Variants in ABR observed in about 807,000 individuals in gnomAD.
The protein encoded by ABR is active breakpoint cluster region-related protein.
Under a neutral mutation model 107.2 loss-of-function variants are expected in ABR, and 35 were observed. The observed-to-expected ratio is 0.33, with a 90% CI of 0.25 to 0.43. The LOEUF (loss-of-function observed/expected upper bound fraction) is 0.43. Ranked by LOEUF, ABR falls within the 20% of genes least tolerant of loss-of-function variation. The pLI is 1.00. For missense variants in ABR, 815 were observed against 1,115.2 expected, an observed-to-expected ratio of 0.73 and a Z score of 3.83; for synonymous variants, 498 against 462.0, an observed-to-expected ratio of 1.08 and a Z score of -1.00.
At chr17:1,132,236 T>C (rs539668186) in intron 1 of ABR, among the ~76,000 whole-genome samples, 2 of 149,956 alleles carry the variant, frequency 1.3e-5, no homozygotes, top group Admixed American at 6.7e-5. Context: ...CACACACACA[T>C]ACACATATAT....
chr17:1,102,688 T>A (rs548691124), intron 2 of ABR, among the ~76,000 whole-genome samples: 2 of 152,314 alleles, frequency 1.3e-5, no homozygotes, highest in South Asian at 4.1e-4. Flanking sequence ...GGAGATCCTT[T>A]TTATTTTAAT....
At chr17:1,042,997 G>A (rs1316346249) in intron 16 of ABR, among the ~76,000 whole-genome samples, 6 of 152,154 alleles carry the variant, frequency 3.9e-5, no homozygotes, top group African/African-American at 7.2e-5. Flanking sequence ...GGACAAATTC[G>A]TACAGACAGA....
chr17:1,125,495 G>T, intron 1 of ABR, 128 bp from the exon 2 acceptor site: 3 of 1,003,970 alleles, frequency 3.0e-6, no homozygotes, highest in African/African-American at 1.7e-5. Context: ...CGCCTGGCCC[G>T]GGCGGGGGCT....
intron 16 of ABR, chr17:1,031,870 C>T (rs1450452641): frequency 1.3e-5 from 16 of 1,196,400 alleles, no homozygotes; most frequent in Non-Finnish European, 1.7e-5. Flanking sequence ...CCCTCCCTCC[C>T]CGCGCTCCCC....
chr17:1,179,705 C>T lies in ABR; in HGVS notation c.23G>A (p.Gly8Asp), dbSNP rs1477867556. The change falls in exon 1 of 23, where the codon GGC becomes GAC. Residue 8 changes from glycine (G) to aspartate (D), a missense_variant. This residue lies in a region of ABR where 129 missense variants were observed against 124.8 expected (regional missense o/e 1.03). Transcript: ENST00000302538. The surrounding 1 kb of genome is among the most constrained non-coding windows in gnomAD (Gnocchi z 4.9). MEPLSHR[G>D]LPRLSWIDTL... ...GTCGATCCAGGACAGGCGCGGCAGG[C>T]CCCGGTGGCTGAGCGGCTCCATCCC... 7 of 1,557,986 alleles carry T rather than the reference C, an allele frequency of 4.5e-6. No homozygotes were observed. The highest frequency in any genetic ancestry group is 5.2e-6 in the Non-Finnish European group (6 of 1,152,792).
Position 1,010,665 on chromosome 17 carries a change from C to T in ABR, c.2236+64G>A. ...CAGATATTTCTCCTGCTGGTTACTT[C>T]TCCGGGCAGGGAGTCCTGGCTCAGT... On this transcript the variant is annotated intron_variant, in intron 20 of 22. Transcript: ENST00000302538. This position sits in a 1 kb window ranked among gnomAD's most constrained non-coding sequence, Gnocchi z 4.1. 6.3e-7 allele frequency: 1 copy of T among 1,584,470 alleles called. No homozygotes were observed. The highest frequency in any genetic ancestry group is 1.1e-5 in the South Asian group (1 of 89,308).
chr17:1,108,675 G>A (rs1030747051), intron 2 of ABR, among the ~76,000 whole-genome samples: 1 of 152,186 alleles, frequency 6.6e-6, no homozygotes, highest in African/African-American at 2.4e-5. Context: ...GCTGACAGGC[G>A]CGCCAGGTGA....
rs912892124 is a variant in ABR at position 1,148,782 on chromosome 17, G to A, written c.62-23415C>T. ...CTCAGTTTAGCCAGGTGAGAGTTCC[G>A]GAGATGACGGTGCTGATGGCCGCAC... On this transcript the variant is annotated intron_variant, in intron 1 of 22. Coordinates refer to ENST00000302538, the MANE Select transcript of ABR (RefSeq NM_021962.5). The surrounding 1 kb of genome is among the most constrained non-coding windows in gnomAD (Gnocchi z 4.9). Among the ~76,000 whole-genome samples the A allele has an allele frequency of 3.9e-5, 6 of 152,324 alleles. No individual in the cohort carries two copies. The highest frequency in any genetic ancestry group is 3.4e-3 in the Middle Eastern group (1 of 294).
intron 16 of ABR, among the ~76,000 whole-genome samples, chr17:1,040,207 G>A (rs560332399): frequency 1.1e-4 from 17 of 152,244 alleles, no homozygotes; most frequent in African/African-American, 2.9e-4. Context: ...GGACGCACGC[G>A]CAGGACCCTC....
intron 16 of ABR, among the ~76,000 whole-genome samples, chr17:1,035,824 C>T (rs958717115): frequency 5.3e-5 from 8 of 150,134 alleles, no homozygotes; most frequent in Admixed American, 4.6e-4. Flanking sequence ...GGGCTGTCCC[C>T]GGGGAGACGT....
chr17:1,084,505 C>T lies in ABR; in HGVS notation c.532-878G>A, dbSNP rs567899933. ...AGCCCCAGCCTCACTACACGTTTGCCTGTCACTCACACAGTCACAACCTGA... is the reference window on the plus strand; with the variant it reads ...AGCCCCAGCCTCACTACACGTTTGCTTGTCACTCACACAGTCACAACCTGA... On this transcript the variant is annotated intron_variant, in intron 4 of 22. Coordinates refer to ENST00000302538, the MANE Select transcript of ABR (RefSeq NM_021962.5). The surrounding 1 kb of genome is among the most constrained non-coding windows in gnomAD (Gnocchi z 4.2). 1.4e-4 allele frequency among the ~76,000 whole-genome samples: 21 copies of T among 152,348 alleles called. No homozygotes were observed. The highest frequency in any genetic ancestry group is 1.2e-4 in the Non-Finnish European group (8 of 68,036).
At chr17:1,021,710 A>C (rs1440608704) in intron 16 of ABR, among the ~76,000 whole-genome samples, 2 of 151,874 alleles carry the variant, frequency 1.3e-5, no homozygotes, top group Non-Finnish European at 2.9e-5. Flanking sequence ...AGGCTGAGGC[A>C]GGAGAATCGC....
At chr17:1,041,715 G>C (rs1445902839) in intron 16 of ABR, among the ~76,000 whole-genome samples, 1 of 152,200 alleles carries the variant, frequency 6.6e-6, no homozygotes, top group African/African-American at 2.4e-5. Context: ...CTGGGCGACA[G>C]AGAGAGACTC....
intron 16 of ABR, among the ~76,000 whole-genome samples, chr17:1,024,407 G>A (rs2150853289): frequency 6.6e-6 from 1 of 152,340 alleles, no homozygotes; most frequent in South Asian, 2.1e-4. Flanking sequence ...CTGAGGCTGA[G>A]TGGCCGGGGT....
At chr17:1,066,117 G>A (rs568504201) in intron 10 of ABR, among the ~76,000 whole-genome samples, 1 of 152,066 alleles carries the variant, frequency 6.6e-6, no homozygotes, top group Non-Finnish European at 1.5e-5. Context: ...GACCTCAGGC[G>A]ATCCACCATC....
chr17:1,038,484 T>C (rs928455376), intron 16 of ABR, among the ~76,000 whole-genome samples: 2 of 152,160 alleles, frequency 1.3e-5, no homozygotes, highest in African/African-American at 2.4e-5. Context: ...CAGGCGGGTG[T>C]GTCTGGGTCA....
chr17:1,164,941 G>A (rs2151580052), intron 1 of ABR, among the ~76,000 whole-genome samples: 1 of 152,218 alleles, frequency 6.6e-6, no homozygotes, highest in East Asian at 1.9e-4. Context: ...CAGCCATATG[G>A]GATATACTTA....
chr17:1,205,735 G>A (rs1371492822), intron 1 of ABR, among the ~76,000 whole-genome samples: 1 of 152,244 alleles, frequency 6.6e-6, no homozygotes, highest in Non-Finnish European at 1.5e-5. Flanking sequence ...ACAAGATCAA[G>A]AGACGGAGAC....
In ABR at chr17:1,050,169, C is replaced by T. The variant is rs1268993200; in HGVS notation, c.1672G>A (p.Glu558Lys). The T allele has an allele frequency of 1.2e-6, 2 of 1,612,722 alleles. No individual in the cohort carries two copies. Among genetic ancestry groups the T allele is most frequent in the African/African-American group, 1.3e-5 (1 of 74,894 alleles). The stretch of plus-strand genomic sequence containing the variant: ...CTCAGGGACTGGGAGCCCTCCAGCT[C>T]GATCTCAAACTCCTGGGGAAAGATG... ...EPKWDEEFEI[E>K]LEGSQSLRIL... is the part of the protein sequence containing the mutation. The change falls in exon 16 of 23, where the codon GAG becomes AAG. Residue 558 changes from glutamate to lysine, a missense_variant. This residue lies in a region of ABR where 385 missense variants were observed against 596.9 expected (regional missense o/e 0.64). Coordinates refer to ENST00000302538, the MANE Select transcript of ABR (RefSeq NM_021962.5). This position sits in a 1 kb window ranked among gnomAD's most constrained non-coding sequence, Gnocchi z 4.6.
Sources: allele counts gnomAD v4.1 joint callset (sites outside exome capture counted in the v4.1 genomes callset), GRCh38; gene constraint gnomAD v4.1.1; regional missense constraint gnomAD v4.1.1; non-coding constraint Gnocchi (gnomAD v3.1); transcripts MANE v1.5; gene names NCBI Gene and HGNC (gene_info 2026-07-23, HGNC 2026-07-21).